The following EXOC6B variants were observed in gnomAD, a reference collection of about 807,000 sequenced individuals.
EXOC6B encodes the protein SEC15 homolog B.
A neutral mutation model predicts 113.5 loss-of-function variants in EXOC6B; 54 were observed. The ratio of observed to expected loss-of-function variants is 0.48; its 90% CI spans 0.38 to 0.60. The LOEUF is 0.60. Ranked by LOEUF, EXOC6B falls within the 20% of genes least tolerant of loss-of-function variation. The pLI, the probability that EXOC6B is intolerant of heterozygous loss-of-function variation, is 0.00. For synonymous variants in EXOC6B, 357 were observed against 339.0 expected (o/e 1.05, Z -0.58); for missense variants, 797 against 977.5 (o/e 0.82, Z 2.46).
At chr2:72,580,243 GCGA>G (rs1705139411) in intron 6 of EXOC6B, among the ~76,000 whole-genome samples, 1 of 147,402 alleles carries the variant, frequency 6.8e-6, no homozygotes, top group South Asian at 2.1e-4. Flanking sequence ...CTGGGTTCAA[GCGA>G]TTCTCATGCC....
intron 20 of EXOC6B, among the ~76,000 whole-genome samples, chr2:72,311,361 G>A (rs1468473951): frequency 6.6e-6 from 1 of 152,066 alleles, no homozygotes; most frequent in Non-Finnish European, 1.5e-5. Context: ...TTCCTTGCAG[G>A]CTGCCAGTTG....
chr2:72,292,055 G>A (rs1050091936), intron 20 of EXOC6B, among the ~76,000 whole-genome samples: 20 of 152,186 alleles, frequency 1.3e-4, no homozygotes, highest in African/African-American at 4.6e-4. Flanking sequence ...CTGTAATAGT[G>A]TTTTCTAACC....
intron 6 of EXOC6B, among the ~76,000 whole-genome samples, chr2:72,594,009 T>G (rs971723943): frequency 4.6e-5 from 7 of 152,228 alleles, no homozygotes; most frequent in African/African-American, 1.7e-4. Flanking sequence ...AAGACAGGCT[T>G]TTACTGCGTT....
intron 11 of EXOC6B, among the ~76,000 whole-genome samples, chr2:72,509,396 A>G (rs1342249771): frequency 6.6e-6 from 1 of 152,236 alleles, no homozygotes; most frequent in Non-Finnish European, 1.5e-5. Context: ...GGAAGTGATG[A>G]GTCATTTTCA....
intron 20 of EXOC6B, among the ~76,000 whole-genome samples, chr2:72,299,140 T>C (rs1246573735): frequency 6.6e-6 from 1 of 152,116 alleles, no homozygotes; most frequent in Non-Finnish European, 1.5e-5. Flanking sequence ...GTAGATTTGG[T>C]CTTTTCACAT....
chr2:72,306,307 G>A (rs1319246534), intron 20 of EXOC6B, among the ~76,000 whole-genome samples: 1 of 152,044 alleles, frequency 6.6e-6, no homozygotes, highest in African/African-American at 2.4e-5. Context: ...CTTAAATAAT[G>A]ACTCAAACTC....
intron 18 of EXOC6B, among the ~76,000 whole-genome samples, chr2:72,415,908 A>G (rs548237386): frequency 6.6e-6 from 1 of 152,342 alleles, no homozygotes; most frequent in East Asian, 1.9e-4. Flanking sequence ...GATTCTAGAG[A>G]TGAATACACA....
intron 1 of EXOC6B, among the ~76,000 whole-genome samples, chr2:72,777,984 CCTAT>C (rs1683802924): frequency 1.3e-5 from 2 of 151,938 alleles, no homozygotes; most frequent in Admixed American, 6.6e-5. Flanking sequence ...CTAGAAAATA[CCTAT>C]CTAACACAAA....
rs1181925828 is a variant in EXOC6B, at chr2:72,401,589, A to G, written c.1981-21719T>C. 9.4e-5 allele frequency among the ~76,000 whole-genome samples: 4 copies of G among 42,602 alleles called. 1 individual carries two copies. Among genetic ancestry groups the G allele is most frequent in the East Asian group, 4.4e-4 (1 of 2,282 alleles). 27.9% of individuals were successfully genotyped at this position (42,602 alleles called of 152,430 possible). Reference sequence around the variant, plus strand: ...TACATATATATATATATACATATATATATATATATATATGTGTATATATAT... The same window carrying G: ...TACATATATATATATATACATATATGTATATATATATATGTGTATATATAT... On this transcript the variant is annotated intron_variant, in intron 18 of 21. Transcript: ENST00000272427.
chr2:72,320,917 A>T (rs1292179742), intron 20 of EXOC6B, among the ~76,000 whole-genome samples: 1 of 152,260 alleles, frequency 6.6e-6, no homozygotes, highest in Non-Finnish European at 1.5e-5. Context: ...TAAACACAGA[A>T]GAAAAGAAAC....
intron 6 of EXOC6B, among the ~76,000 whole-genome samples, chr2:72,663,760 T>A (rs896791292): frequency 2.0e-5 from 3 of 152,154 alleles, no homozygotes; most frequent in African/African-American, 4.8e-5. Context: ...AACTATTCCA[T>A]AATATTGCTA....
At chr2:72,645,324 C>T (rs946145566) in intron 6 of EXOC6B, among the ~76,000 whole-genome samples, 1 of 152,120 alleles carries the variant, frequency 6.6e-6, no homozygotes, top group African/African-American at 2.4e-5. Flanking sequence ...GACTTAGACT[C>T]CCACACAATA....
chr2:72,431,487 A>ATCTATCTATCTATCTATCTATCTATCTC (rs1558660009), intron 18 of EXOC6B, among the ~76,000 whole-genome samples: 18 of 117,342 alleles, frequency 1.5e-4, no homozygotes, highest in African/African-American at 5.5e-4. Flanking sequence ...TGATTTCTTT[A>ATCTATCTATCTATCTATCTATCTATCTC]TCTATCTATC....
intron 17 of EXOC6B, among the ~76,000 whole-genome samples, chr2:72,469,889 T>C (rs1323878723): frequency 6.6e-6 from 1 of 152,146 alleles, no homozygotes; most frequent in Non-Finnish European, 1.5e-5. Flanking sequence ...TAAAATAAGA[T>C]TTTAGTATCT....
chr2:72,811,673 A>G (rs182953491), intron 1 of EXOC6B, among the ~76,000 whole-genome samples: 15 of 152,332 alleles, frequency 9.8e-5, no homozygotes, highest in Non-Finnish European at 1.5e-5. Flanking sequence ...CCTTAACAAT[A>G]TATCAGCAAA....
chr2:72,308,098 C>A (rs1284357521), intron 20 of EXOC6B, among the ~76,000 whole-genome samples: 1 of 152,178 alleles, frequency 6.6e-6, no homozygotes, highest in African/African-American at 2.4e-5. Context: ...AAAGAAATCT[C>A]TTCCGCAGAG....
At chr2:72,289,293 G>A (rs1435851079) in intron 20 of EXOC6B, among the ~76,000 whole-genome samples, 11 of 152,204 alleles carry the variant, frequency 7.2e-5, no homozygotes, top group South Asian at 2.1e-4. Context: ...TTCACTTTGC[G>A]AAAATGCATG....
intron 20 of EXOC6B, among the ~76,000 whole-genome samples, chr2:72,230,519 C>T (rs566048918): frequency 1.3e-5 from 2 of 152,264 alleles, no homozygotes; most frequent in East Asian, 3.9e-4. Flanking sequence ...GAGATGCCAG[C>T]AGTGAGGGTC....
At chr2:72,653,431 A>C (rs1366549992) in intron 6 of EXOC6B, among the ~76,000 whole-genome samples, 1 of 142,100 alleles carries the variant, frequency 7.0e-6, no homozygotes, top group Non-Finnish European at 1.5e-5. Flanking sequence ...GGGGAGGGAT[A>C]GCATTAGGAG....
Sources: gnomAD v4.1 joint callset for allele counts (sites outside exome capture counted in the v4.1 genomes callset) on GRCh38, gnomAD v4.1.1 for gene constraint, MANE v1.5 for transcripts, NCBI Gene and HGNC (gene_info 2026-07-23, HGNC 2026-07-21) for gene names.